OR2AG1: variants seen among roughly 807,000 people sequenced by gnomAD.
The protein encoded by OR2AG1 is olfactory receptor family 2 subfamily AG member 1.
For missense variants in OR2AG1, 391 were observed against 385.9 expected, an observed-to-expected ratio of 1.01 and a Z score of -0.11; for synonymous variants, 157 against 155.6, an observed-to-expected ratio of 1.01 and a Z score of -0.07.
intron 1 of OR2AG1, among the ~76,000 whole-genome samples, chr11:6,784,669 T>A (rs11041021): frequency 6.6e-6 from 1 of 152,154 alleles, no homozygotes; most frequent in East Asian, 1.9e-4. Context: ...GAAAACTAAC[T>A]GGATAGTTAC....
chr11:6,785,170 C>T lies in OR2AG1; in HGVS notation c.133C>T (p.Leu45=). The T allele has an allele frequency of 6.2e-7, 1 of 1,614,192 alleles. No homozygotes were observed. The highest frequency in any genetic ancestry group is 1.3e-5 in the African/African-American group (1 of 75,046). Reference sequence around the variant, plus strand: ...GTTGGCCCTGATCAGCAATGGCCTACTGCTCCTGGCTATCACCATGGAAGC... The same window carrying T: ...GTTGGCCCTGATCAGCAATGGCCTATTGCTCCTGGCTATCACCATGGAAGC... ...YLLALISNGL[L]LLAITMEARL... is the part of the protein sequence containing the mutation. The change falls in exon 2 of 2, where the codon CTG becomes TTG. Residue 45 remains leucine (L), a synonymous_variant. Coordinates refer to ENST00000641258, the MANE Select transcript of OR2AG1 (RefSeq NM_001004489.3).
Position 6,785,450 on chromosome 11 carries a change from C to A in OR2AG1, c.413C>A (p.Ser138Ter), listed in dbSNP as rs781466729. The change falls in exon 2 of 2, where the codon TCA (serine) becomes TAA (stop). Residue 138 changes from serine (S) to a stop codon, truncating the protein, a stop_gained. Coordinates refer to ENST00000641258, the MANE Select transcript of OR2AG1 (RefSeq NM_001004489.3). LOFTEE classifies it low-confidence loss of function (END_TRUNC). Reference sequence around the variant, plus strand: ...CTGACATACATGACCCTCATGAGCTCAAGAGCCTGCTGGCTCATGGTGGCC... The same window carrying A: ...CTGACATACATGACCCTCATGAGCTAAAGAGCCTGCTGGCTCATGGTGGCC... ...HPLTYMTLMS[S>*]RACWLMVATS... The A allele has an allele frequency of 6.2e-7, 1 of 1,614,126 alleles. No individual in the cohort carries two copies. The highest frequency in any genetic ancestry group is 8.5e-7 in the Non-Finnish European group (1 of 1,180,004).
rs1382658320 is a variant in OR2AG1, at chr11:6,789,688, A to C, written c.*3700A>C. 6.4e-6 allele frequency: 1 copy of C among 155,282 alleles called. No individual in the cohort carries two copies. The highest frequency in any genetic ancestry group is 2.4e-5 in the African/African-American group (1 of 41,422). 9.6% of individuals were successfully genotyped at this position (155,282 alleles called of 1,614,324 possible). On this transcript the variant is annotated 3_prime_UTR_variant, in exon 2 of 2. Transcript: ENST00000641258. ...AAACAAACAAACAAAAAAACAAAAA[A>C]CAACGAGATATCACGTCTTGCCTGT...
rs374861197 is a variant in OR2AG1, at chr11:6,785,094, T to C, written c.57T>C (p.Asn19=). The C allele has an allele frequency of 1.1e-5, 17 of 1,613,616 alleles. No homozygotes were observed. The African/African-American group carries it at 1.3e-4, about 13-fold the overall frequency. ...GSGFILVGIL[N]DSGSPELLCA... is the part of the protein sequence containing the mutation. The stretch of plus-strand genomic sequence containing the variant: ...GCTTCATTTTGGTGGGGATTCTGAA[T>C]GACAGTGGGTCTCCTGAACTGCTCT... Residue 19 remains asparagine (N), a synonymous_variant, in exon 2 of 2, where the codon AAT becomes AAC. Coordinates refer to ENST00000641258, the MANE Select transcript of OR2AG1 (RefSeq NM_001004489.3).
Position 6,786,075 on chromosome 11 carries a change from T to C in OR2AG1, c.*87T>C. On this transcript the variant is annotated 3_prime_UTR_variant, in exon 2 of 2. Coordinates refer to ENST00000641258, the MANE Select transcript of OR2AG1 (RefSeq NM_001004489.3). ...AATCAAATACTAATGGTAAAACCAATACAGTGCAGAGTATAGCATTTAATA... is the reference window on the plus strand; with the variant it reads ...AATCAAATACTAATGGTAAAACCAACACAGTGCAGAGTATAGCATTTAATA... The C allele has an allele frequency of 9.8e-7, 1 of 1,021,318 alleles. No individual in the cohort carries two copies. The highest frequency in any genetic ancestry group is 1.5e-6 in the Non-Finnish European group (1 of 686,492). 63.3% of individuals were successfully genotyped at this position (1,021,318 alleles called of 1,614,324 possible). A position where few individuals can be genotyped will look rare whatever the true frequency, so the allele number is the denominator to read the frequency against.
At position 6,786,137 on chromosome 11, in the gene OR2AG1, T is replaced by C. The variant is rs1847625164; in HGVS notation, c.*149T>C. On this transcript the variant is annotated 3_prime_UTR_variant, in exon 2 of 2. Coordinates refer to ENST00000641258, the MANE Select transcript of OR2AG1 (RefSeq NM_001004489.3). ...GAATGTAACTGGATTTGTCAAATGC[T>C]CTTTAAATCTTCTCTCCATGAAGTA... 2 of 614,896 alleles carry C rather than the reference T, an allele frequency of 3.3e-6. No homozygotes were observed. Among genetic ancestry groups the C allele is most frequent in the South Asian group, 5.0e-5 (2 of 39,902 alleles). 38.1% of individuals were successfully genotyped at this position (614,896 alleles called of 1,614,324 possible).
intron 1 of OR2AG1, among the ~76,000 whole-genome samples, chr11:6,783,702 G>C (rs1847595111): frequency 6.6e-6 from 1 of 152,176 alleles, no homozygotes; most frequent in Admixed American, 6.5e-5. Context: ...TCTGCTTCCT[G>C]GTGGAAATCG....
chr11:6,790,064 C>T lies in OR2AG1; in HGVS notation c.*4076C>T, dbSNP rs917702461. ...TATTTATACAATAGAATATTATTTA[C>T]CCTTAAAAGGGAAGGACACTCTGTC... On this transcript the variant is annotated 3_prime_UTR_variant, in exon 2 of 2. Coordinates refer to ENST00000641258, the MANE Select transcript of OR2AG1 (RefSeq NM_001004489.3). 6.6e-6 allele frequency: 1 copy of T among 152,130 alleles called. No individual in the cohort carries two copies. The highest frequency in any genetic ancestry group is 6.5e-5 in the Admixed American group (1 of 15,274). 9.4% of individuals were successfully genotyped at this position (152,130 alleles called of 1,614,324 possible).
At position 6,789,804 on chromosome 11, in the gene OR2AG1, G is replaced by A. The variant is rs1360403007; in HGVS notation, c.*3816G>A. The A allele has an allele frequency of 6.6e-6, 1 of 152,260 alleles. No homozygotes were observed. The highest frequency in any genetic ancestry group is 1.5e-5 in the Non-Finnish European group (1 of 68,078). The allele number at this position is 152,260 out of a possible 1,614,324, so 9.4% of individuals were successfully genotyped here. ...TGGAACCTGTGTACACAATTCATGG[G>A]AATGTAAAATGGTACAGCCATTATG... On this transcript the variant is annotated 3_prime_UTR_variant, in exon 2 of 2. Transcript: ENST00000641258.
At chr11:6,784,472 T>G (rs1847601787) in intron 1 of OR2AG1, among the ~76,000 whole-genome samples, 1 of 152,214 alleles carries the variant, frequency 6.6e-6, no homozygotes, top group Admixed American at 6.5e-5. Flanking sequence ...CTGTAGAACG[T>G]GGGGCTGGCC....
chr11:6,783,647 G>A (rs902145743), intron 1 of OR2AG1, among the ~76,000 whole-genome samples, 176 bp downstream of exon 1: 3 of 152,144 alleles, frequency 2.0e-5, no homozygotes, highest in African/African-American at 7.2e-5. Flanking sequence ...TTCTGAACCC[G>A]AAAAGAGAAC....
Position 6,785,306 on chromosome 11 carries a change from A to T in OR2AG1, c.269A>T (p.Asn90Ile). Residue 90 changes from asparagine (N) to isoleucine (I), a missense_variant, in exon 2 of 2, where the codon AAC (asparagine) becomes ATC (isoleucine). Transcript: ENST00000641258. ...CTTGCGGACTTTCTGCGCAGAGAAA[A>T]CACCATCTCCTTTGGAGGCTGTGCC... ...KALADFLRRE[N>I]TISFGGCALQ... The T allele has an allele frequency of 6.2e-7, 1 of 1,614,054 alleles. No individual in the cohort carries two copies. The highest frequency in any genetic ancestry group is 8.5e-7 in the Non-Finnish European group (1 of 1,179,998).
chr11:6,783,892 G>T (rs966659810), intron 1 of OR2AG1, among the ~76,000 whole-genome samples: 1 of 152,214 alleles, frequency 6.6e-6, no homozygotes, highest in Non-Finnish European at 1.5e-5. Context: ...GGAAACCAGT[G>T]AAATATGAAA....
rs1398696475 is a variant in OR2AG1 at position 6,789,539 on chromosome 11, T to C, written c.*3551T>C. 1 of 152,432 alleles carries C rather than the reference T, an allele frequency of 6.6e-6. No homozygotes were observed. Among genetic ancestry groups the C allele is most frequent in the Non-Finnish European group, 1.5e-5 (1 of 68,298 alleles). The allele number at this position is 152,432 out of a possible 1,614,324, so 9.4% of individuals were successfully genotyped here. A position where few individuals can be genotyped will look rare whatever the true frequency, so the allele number is the denominator to read the frequency against. ...GATGGTGGATGCCTGTAATTCCAGC[T>C]ACACAGGAGGCTGAGGCAGGAGAAT... On this transcript the variant is annotated 3_prime_UTR_variant, in exon 2 of 2. Transcript: ENST00000641258.
In OR2AG1 at chr11:6,786,582, G is replaced by C. The variant is rs1280950011; in HGVS notation, c.*594G>C. 2 of 152,150 alleles carry C rather than the reference G, an allele frequency of 1.3e-5. No individual in the cohort carries two copies. Among genetic ancestry groups the C allele is most frequent in the African/African-American group, 4.8e-5 (2 of 41,408 alleles). 9.4% of individuals were successfully genotyped at this position (152,150 alleles called of 1,614,324 possible). A position where few individuals can be genotyped will look rare whatever the true frequency, so the allele number is the denominator to read the frequency against. On this transcript the variant is annotated 3_prime_UTR_variant, in exon 2 of 2. Transcript: ENST00000641258. ...TTTTTGTTTGTTGGTTTTTGACATG[G>C]AGATACTTTATAGTTCCTAAAATGC... is the stretch of plus-strand genomic sequence containing the variant.
intron 1 of OR2AG1, among the ~76,000 whole-genome samples, chr11:6,784,081 C>G (rs570119500): frequency 2.6e-5 from 4 of 152,176 alleles, no homozygotes; most frequent in Non-Finnish European, 5.9e-5. Flanking sequence ...ACAATGCCAA[C>G]AGCTGCTTTC....
In OR2AG1 at chr11:6,790,073, G is replaced by A. The variant is rs1444722810; in HGVS notation, c.*4085G>A. 2 of 152,194 alleles carry A rather than the reference G, an allele frequency of 1.3e-5. No homozygotes were observed. Among genetic ancestry groups the A allele is most frequent in the East Asian group, 3.8e-4 (2 of 5,202 alleles). The allele number at this position is 152,194 out of a possible 1,614,324, so 9.4% of individuals were successfully genotyped here. A position where few individuals can be genotyped will look rare whatever the true frequency, so the allele number is the denominator to read the frequency against. The stretch of plus-strand genomic sequence containing the variant: ...AATAGAATATTATTTACCCTTAAAA[G>A]GGAAGGACACTCTGTCATTTGCAAT... On this transcript the variant is annotated 3_prime_UTR_variant, in exon 2 of 2. Coordinates refer to ENST00000641258, the MANE Select transcript of OR2AG1 (RefSeq NM_001004489.3).
Position 6,788,670 on chromosome 11 carries a change from C to T in OR2AG1, c.*2682C>T, listed in dbSNP as rs11041026. The T allele has an allele frequency of 0.14, 21,351 of 152,024 alleles. 1,584 individuals are homozygous for T. The highest frequency in any genetic ancestry group is 0.29 in the East Asian group (1,475 of 5,154). The allele number at this position is 152,024 out of a possible 1,614,324, so 9.4% of individuals were successfully genotyped here. ...TATACTTCTGGAACCTAGTCTCAGTCAGTTTTAAAATGAACATTCCACACC... is the reference window on the plus strand; with the variant it reads ...TATACTTCTGGAACCTAGTCTCAGTTAGTTTTAAAATGAACATTCCACACC... On this transcript the variant is annotated 3_prime_UTR_variant, in exon 2 of 2. Transcript: ENST00000641258.
intron 1 of OR2AG1, among the ~76,000 whole-genome samples, chr11:6,784,673 T>G (rs1370716185): frequency 6.6e-6 from 1 of 152,218 alleles, no homozygotes; most frequent in African/African-American, 2.4e-5. Context: ...ACTAACTGGA[T>G]AGTTACAAGG....
Sources: gnomAD v4.1 joint callset for allele counts (sites outside exome capture counted in the v4.1 genomes callset) on GRCh38, gnomAD v4.1.1 for gene constraint, MANE v1.5 for transcripts, NCBI Gene and HGNC (gene_info 2026-07-23, HGNC 2026-07-21) for gene names.